Variants in DIAPH2 observed in about 807,000 individuals in gnomAD.
The protein encoded by DIAPH2 is protein diaphanous homolog 2.
DIAPH2 carries 35 observed loss-of-function variants against 92.7 expected under a neutral mutation model. The observed-to-expected ratio is 0.38, with a 90% CI of 0.29 to 0.50. The LOEUF is 0.50. DIAPH2 is among the 20% of genes least tolerant of loss of function. The probability of loss-of-function intolerance (pLI) is 0.94; values close to 1 mark genes in which losing one functional copy is unlikely to be tolerated. For synonymous variants in DIAPH2, 301 were observed against 280.4 expected, an observed-to-expected ratio of 1.07 and a Z score of -0.73; for missense variants, 701 against 819.5, an observed-to-expected ratio of 0.86 and a Z score of 1.77.
At chrX:97,521,885 T>A (rs1190864461) in intron 26 of DIAPH2, among the ~76,000 whole-genome samples, 1 of 112,304 alleles carries the variant, frequency 8.9e-6, no homozygotes, top group Non-Finnish European at 1.9e-5. Flanking sequence ...ACCAACTTTG[T>A]GCATCTTTCT....
At chrX:96,822,839 A>G (rs2064787656) in intron 4 of DIAPH2, among the ~76,000 whole-genome samples, 1 of 112,634 alleles carries the variant, frequency 8.9e-6, no homozygotes, top group African/African-American at 3.2e-5. Context: ...TTGATAATGG[A>G]TTAATAACTT....
At chrX:97,482,339 C>T (rs1164292855) in intron 26 of DIAPH2, among the ~76,000 whole-genome samples, 1 of 112,391 alleles carries the variant, frequency 8.9e-6, no homozygotes, top group Admixed American at 9.4e-5. Context: ...CTGGAGCAGG[C>T]AAGAATTTTA....
At chrX:96,882,113 C>T (rs867835580) in intron 5 of DIAPH2, among the ~76,000 whole-genome samples, 1 of 109,256 alleles carries the variant, frequency 9.2e-6, no homozygotes, top group Non-Finnish European at 1.9e-5. Context: ...TGCAGTGGCA[C>T]GATCTTGGCT....
intron 18 of DIAPH2, 136 bp downstream of exon 18, chrX:97,073,178 A>G (rs1213384277): frequency 2.2e-6 from 1 of 453,029 alleles, no homozygotes. Context: ...TCCTGTGTAA[A>G]CATGATTTGG....
chrX:97,038,155 C>G (rs748348815), intron 17 of DIAPH2, among the ~76,000 whole-genome samples: 1 of 111,145 alleles, frequency 9.0e-6, no homozygotes, highest in South Asian at 3.8e-4. Flanking sequence ...TAGTGGCCTC[C>G]GGTTCCATCC....
At chrX:96,956,183 T>C (rs2065809216) in intron 15 of DIAPH2, among the ~76,000 whole-genome samples, 1 of 112,944 alleles carries the variant, frequency 8.9e-6, no homozygotes, top group Admixed American at 9.3e-5. Context: ...TCAACACCGC[T>C]TGGAAGTTGC....
At chrX:97,143,955 A>T (rs2067225594) in intron 22 of DIAPH2, among the ~76,000 whole-genome samples, 1 of 112,063 alleles carries the variant, frequency 8.9e-6, no homozygotes, top group Non-Finnish European at 1.9e-5. Flanking sequence ...GGTCTCATAG[A>T]GATAGAGCGT....
intron 22 of DIAPH2, among the ~76,000 whole-genome samples, chrX:97,192,293 C>CAAA (rs773665704): frequency 1.2e-4 from 4 of 32,092 alleles, no homozygotes; most frequent in African/African-American, 1.2e-4. Flanking sequence ...GACTCCGTCT[C>CAAA]AAAAAAAAAA....
In DIAPH2 at chrX:97,376,027, G is replaced by A. The variant is rs138595168; in HGVS notation, c.3010-7882G>A. 3.5e-3 allele frequency among the ~76,000 whole-genome samples: 379 copies of A among 109,650 alleles called. 1 individual carries two copies. Among genetic ancestry groups the A allele is most frequent in the African/African-American group, 0.012 (364 of 30,114 alleles). On this transcript the variant is annotated intron_variant, in intron 24 of 26. Transcript: ENST00000324765. ...TAAAATTAAACTCCTATTTTCCAAA[G>A]CAATTGGACTTTTATTGTACTGTGT...
At chrX:97,438,248 T>C in intron 26 of DIAPH2, among the ~76,000 whole-genome samples, 1 of 108,998 alleles carries the variant, frequency 9.2e-6, no homozygotes, top group Middle Eastern at 4.7e-3. Flanking sequence ...CAACTGATAA[T>C]TGACCAATGG....
chrX:97,489,068 C>T (rs6620291), intron 26 of DIAPH2, among the ~76,000 whole-genome samples: 42,953 of 110,498 alleles, frequency 0.39, 5,995 homozygotes, highest in East Asian at 0.57. Context: ...AAGTCTTTCA[C>T]TGAATATCTT....
intron 25 of DIAPH2, among the ~76,000 whole-genome samples, chrX:97,407,979 A>G (rs1214101678): frequency 9.0e-6 from 1 of 111,693 alleles, no homozygotes; most frequent in Non-Finnish European, 1.9e-5. Context: ...ATTTAAGCAT[A>G]ATTTTTATTC....
intron 26 of DIAPH2, among the ~76,000 whole-genome samples, chrX:97,558,459 G>T (rs769832545): frequency 2.4e-4 from 27 of 111,725 alleles, no homozygotes; most frequent in Admixed American, 1.0e-3. Context: ...AAGTCCGTGT[G>T]GTTTTGGTTA....
intron 24 of DIAPH2, among the ~76,000 whole-genome samples, chrX:97,378,162 C>G (rs773111430): frequency 9.1e-6 from 1 of 110,370 alleles, no homozygotes; most frequent in Non-Finnish European, 1.9e-5. Context: ...GCGGGCGGAT[C>G]ACTTGAGGTC....
chrX:96,987,694 A>C lies in DIAPH2; in HGVS notation c.2050+22487A>C, dbSNP rs145812148. On this transcript the variant is annotated intron_variant, in intron 17 of 26. Coordinates refer to ENST00000324765, the MANE Select transcript of DIAPH2 (RefSeq NM_006729.5). ...AGTGTTTTCCAAAGCCCTTCTGCTT[A>C]TTGTCTTATTTCTAGCCTGTTTTTA... 6.0e-3 allele frequency among the ~76,000 whole-genome samples: 668 copies of C among 111,272 alleles called. 11 individuals carry two copies. Among genetic ancestry groups the C allele is most frequent in the African/African-American group, 0.021 (633 of 30,717 alleles).
intron 26 of DIAPH2, among the ~76,000 whole-genome samples, chrX:97,580,492 A>G (rs1384264269): frequency 1.0e-5 from 1 of 98,823 alleles, no homozygotes; most frequent in African/African-American, 3.7e-5. Flanking sequence ...CGTATATTGA[A>G]CCAGCCTTGC....
intron 17 of DIAPH2, among the ~76,000 whole-genome samples, chrX:97,032,326 C>T (rs1038219950): frequency 3.6e-5 from 4 of 110,895 alleles, no homozygotes; most frequent in Non-Finnish European, 5.7e-5. Context: ...AGAATAAGAG[C>T]TTTGTACATA....
In DIAPH2 at chrX:96,709,677, A is replaced by G. The variant is rs2063906824; in HGVS notation, c.132+24487A>G. 4.5e-5 allele frequency among the ~76,000 whole-genome samples: 5 copies of G among 112,160 alleles called. No homozygotes were observed. In the South Asian group the frequency reaches 1.8e-3, roughly 41 times the overall value. On this transcript the variant is annotated intron_variant, in intron 1 of 26. Coordinates refer to ENST00000324765, the MANE Select transcript of DIAPH2 (RefSeq NM_006729.5). ...TTCCTCCATTACCAACTTTAAAAAA[A>G]TTAACCACACACTGGACCTTATCAT...
At chrX:97,095,098 CTTTTTTTTTTTTTTTTTTTTTTTTTT>C (rs61350837) in intron 19 of DIAPH2, among the ~76,000 whole-genome samples, 1 of 22,406 alleles carries the variant, frequency 4.5e-5, no homozygotes, top group Non-Finnish European at 9.0e-5. Flanking sequence ...GTTTCTTTTT[CTTTTTTTTTTTTTTTTTTTTTTTTTT>C]TTTTTTTTTT....
Sources: allele counts gnomAD v4.1 joint callset (sites outside exome capture counted in the v4.1 genomes callset), GRCh38; gene constraint gnomAD v4.1.1; transcripts MANE v1.5; gene names NCBI Gene and HGNC (gene_info 2026-07-23, HGNC 2026-07-21).